TMTC2: variants seen among roughly 807,000 people sequenced by gnomAD.
TMTC2 encodes the protein transmembrane O-mannosyltransferase targeting cadherins 2.
TMTC2 carries 43 observed loss-of-function variants against 82.4 expected under a neutral mutation model. That is an observed-to-expected ratio of 0.52 (90% CI 0.41 to 0.67). TMTC2 has a LOEUF of 0.67. TMTC2 is among the 30% of genes least tolerant of loss of function. The pLI is 0.00. For missense variants in TMTC2, 919 were observed against 1,012.4 expected, an observed-to-expected ratio of 0.91 and a Z score of 1.25; for synonymous variants, 408 against 381.9, an observed-to-expected ratio of 1.07 and a Z score of -0.80.
chr12:82,760,829 A>C, intron 1 of TMTC2: 1 of 413,182 alleles, frequency 2.4e-6, no homozygotes, highest in Non-Finnish European at 4.9e-6. Flanking sequence ...TGTTATGAAA[A>C]TCTAATGCCT....
At chr12:82,754,338 CTT>C (rs1214823982) in intron 1 of TMTC2, among the ~76,000 whole-genome samples, 2 of 152,084 alleles carry the variant, frequency 1.3e-5, no homozygotes, top group Admixed American at 1.3e-4. Flanking sequence ...GGCTTAGAAA[CTT>C]TGTGTTATAA....
chr12:82,735,968 G>A (rs952753246), intron 1 of TMTC2, among the ~76,000 whole-genome samples: 7 of 93,560 alleles, frequency 7.5e-5, no homozygotes, highest in African/African-American at 1.3e-4. Context: ...GCGAGACTCC[G>A]TCACACACAC....
chr12:82,765,705 AC>A (rs1876915697), intron 1 of TMTC2, among the ~76,000 whole-genome samples: 5 of 149,934 alleles, frequency 3.3e-5, no homozygotes, highest in Admixed American at 2.0e-4. Context: ...AACAAAACAA[AC>A]AAACAAACAA....
At chr12:82,906,546 C>G (rs1316664224) in intron 3 of TMTC2, among the ~76,000 whole-genome samples, 1 of 151,924 alleles carries the variant, frequency 6.6e-6, no homozygotes, top group Admixed American at 6.6e-5. Context: ...GCGCCTCAAA[C>G]CCGCCTGAGG....
chr12:82,735,556 A>G (rs113138030), intron 1 of TMTC2, among the ~76,000 whole-genome samples: 13,702 of 151,910 alleles, frequency 0.09, 679 homozygotes, highest in Middle Eastern at 0.11. Flanking sequence ...TGTGTTAGCC[A>G]GGATGGTCTC....
chr12:82,982,531 T>C (rs1565838588), intron 7 of TMTC2, among the ~76,000 whole-genome samples: 1 of 151,742 alleles, frequency 6.6e-6, no homozygotes, highest in Non-Finnish European at 1.5e-5. Flanking sequence ...AGAACTAAAG[T>C]ACATATTCTA....
At chr12:83,049,939 T>C (rs769997206) in intron 9 of TMTC2, among the ~76,000 whole-genome samples, 3 of 152,234 alleles carry the variant, frequency 2.0e-5, no homozygotes, top group Non-Finnish European at 2.9e-5. Context: ...TTTCACATGC[T>C]TGTTGGCTGT....
intron 4 of TMTC2, among the ~76,000 whole-genome samples, chr12:82,938,957 T>C (rs1876557962): frequency 6.6e-6 from 1 of 152,212 alleles, no homozygotes; most frequent in Admixed American, 6.5e-5. Context: ...CCTGCATATA[T>C]GAATCATTAT....
chr12:83,060,789 TC>T (rs1316254004), intron 10 of TMTC2, among the ~76,000 whole-genome samples: 2 of 151,756 alleles, frequency 1.3e-5, no homozygotes, highest in Non-Finnish European at 2.9e-5. Context: ...TGGCTGGACT[TC>T]CTTAGAACCC....
At chr12:82,895,690 A>G (rs1166566877) in intron 2 of TMTC2, 128 bp from the exon 3 acceptor site, 6 of 781,666 alleles carry the variant, frequency 7.7e-6, no homozygotes, top group Non-Finnish European at 9.5e-6. Flanking sequence ...ACATGAAGTC[A>G]TGTTTTGGAG....
chr12:82,874,879 C>T (rs1410529347), intron 2 of TMTC2, among the ~76,000 whole-genome samples: 1 of 151,934 alleles, frequency 6.6e-6, no homozygotes, highest in African/African-American at 2.4e-5. Flanking sequence ...TTTTTAAATA[C>T]TGAAATTAAT....
At chr12:82,874,925 A>T (rs1872400931) in intron 2 of TMTC2, among the ~76,000 whole-genome samples, 1 of 152,166 alleles carries the variant, frequency 6.6e-6, no homozygotes, top group Admixed American at 6.5e-5. Flanking sequence ...TTTTAATTAT[A>T]GAGAAATTAA....
At chr12:82,746,362 TA>T (rs1161770165) in intron 1 of TMTC2, among the ~76,000 whole-genome samples, 1 of 152,174 alleles carries the variant, frequency 6.6e-6, no homozygotes, top group Non-Finnish European at 1.5e-5. Context: ...CAATTAATAG[TA>T]GTATTTGGCA....
chr12:82,983,034 A>G (rs1878995950), intron 7 of TMTC2, among the ~76,000 whole-genome samples: 1 of 152,022 alleles, frequency 6.6e-6, no homozygotes, highest in Non-Finnish European at 1.5e-5. Flanking sequence ...ACTTTGATCA[A>G]TTGGTAGTGG....
intron 3 of TMTC2, among the ~76,000 whole-genome samples, chr12:82,929,984 T>A (rs1875939017): frequency 2.0e-5 from 3 of 152,114 alleles, no homozygotes; most frequent in South Asian, 4.1e-4. Flanking sequence ...TCTTGTTTAG[T>A]TTTTTTGCTT....
intron 1 of TMTC2, among the ~76,000 whole-genome samples, chr12:82,829,141 C>G (rs981981101): frequency 6.6e-6 from 1 of 152,220 alleles, no homozygotes; most frequent in South Asian, 2.1e-4. Flanking sequence ...AAGGTTTTAT[C>G]AGTCACCTTT....
At chr12:82,954,495 C>G (rs1347664280) in intron 4 of TMTC2, among the ~76,000 whole-genome samples, 4 of 152,176 alleles carry the variant, frequency 2.6e-5, no homozygotes, top group Non-Finnish European at 4.4e-5. Flanking sequence ...AAGAGTGCTG[C>G]ACATTGCACT....
At chr12:82,754,408 A>G (rs554020747) in intron 1 of TMTC2, among the ~76,000 whole-genome samples, 1 of 152,186 alleles carries the variant, frequency 6.6e-6, no homozygotes, top group South Asian at 2.1e-4. Flanking sequence ...TTTAAATTAA[A>G]TATTTGGATT....
intron 8 of TMTC2, among the ~76,000 whole-genome samples, chr12:82,988,357 A>G (rs924578053): frequency 6.6e-6 from 1 of 152,188 alleles, no homozygotes; most frequent in African/African-American, 2.4e-5. Context: ...GGCTCAAGAC[A>G]TGGAGGCAGC....
Sources: gnomAD v4.1 joint callset for allele counts (sites outside exome capture counted in the v4.1 genomes callset) on GRCh38, gnomAD v4.1.1 for gene constraint, MANE v1.5 for transcripts, NCBI Gene and HGNC (gene_info 2026-07-23, HGNC 2026-07-21) for gene names.